IL1RAPL2: variants seen among roughly 807,000 people sequenced by gnomAD.
The protein encoded by IL1RAPL2 is interleukin 1 receptor accessory protein like 2, also known as X-linked interleukin-1 receptor accessory protein-like 2.
A neutral mutation model predicts 44.1 loss-of-function variants in IL1RAPL2; 3 were observed. The ratio of observed to expected loss-of-function variants is 0.07; its 90% confidence interval spans 0.03 to 0.18. IL1RAPL2 has a LOEUF of 0.18. Ranked by LOEUF, IL1RAPL2 falls within the 10% of genes least tolerant of loss-of-function variation. The pLI is 1.00. For missense variants in IL1RAPL2, 391 were observed against 496.4 expected (o/e 0.79, Z 2.02); for synonymous variants, 181 against 178.8 (o/e 1.01, Z -0.10).
At chrX:105,192,751 C>T (rs1434446780) in intron 2 of IL1RAPL2, among the ~76,000 whole-genome samples, 1 of 104,623 alleles carries the variant, frequency 9.6e-6, no homozygotes, top group Non-Finnish European at 2.0e-5. Flanking sequence ...ATGTTGTAAC[C>T]TTACACTGCA....
chrX:104,648,378 G>A (rs1930087394), intron 1 of IL1RAPL2, among the ~76,000 whole-genome samples: 1 of 112,378 alleles, frequency 8.9e-6, no homozygotes, highest in Non-Finnish European at 1.9e-5. Flanking sequence ...TTGGATTGCT[G>A]TAGTATAGAT....
chrX:104,715,943 T>C (rs1316952498), intron 2 of IL1RAPL2, among the ~76,000 whole-genome samples: 1 of 111,114 alleles, frequency 9.0e-6, no homozygotes, highest in African/African-American at 3.3e-5. Flanking sequence ...TATTTTAAAA[T>C]TCATATGGAA....
At chrX:104,699,300 C>T (rs1459721496) in intron 2 of IL1RAPL2, among the ~76,000 whole-genome samples, 1 of 111,315 alleles carries the variant, frequency 9.0e-6, no homozygotes, top group East Asian at 2.8e-4. Context: ...TCAGTGGGAG[C>T]CCTGAGCTTG....
At chrX:105,485,092 C>A (rs1196056200) in intron 6 of IL1RAPL2, among the ~76,000 whole-genome samples, 1 of 111,673 alleles carries the variant, frequency 9.0e-6, no homozygotes, top group East Asian at 2.8e-4. Context: ...TGCGAGATTT[C>A]ATCTGTCTTG....
intron 2 of IL1RAPL2, among the ~76,000 whole-genome samples, chrX:104,715,708 C>G (rs759752723): frequency 9.2e-6 from 1 of 109,030 alleles, no homozygotes; most frequent in Non-Finnish European, 1.9e-5. Context: ...AAATAAAATG[C>G]CCAGGAATAC....
At chrX:105,715,106 A>G (rs1300831452) in intron 6 of IL1RAPL2, among the ~76,000 whole-genome samples, 1 of 112,110 alleles carries the variant, frequency 8.9e-6, no homozygotes, top group Non-Finnish European at 1.9e-5. Flanking sequence ...TACAGATAAA[A>G]GATTTGTGCC....
chrX:104,696,285 C>G (rs1285829267), intron 2 of IL1RAPL2, among the ~76,000 whole-genome samples: 1 of 112,068 alleles, frequency 8.9e-6, no homozygotes, highest in Non-Finnish European at 1.9e-5. Flanking sequence ...CAAGGTTAAA[C>G]AGCTAATGGA....
At chrX:105,741,864 T>A (rs998607219) in intron 8 of IL1RAPL2, among the ~76,000 whole-genome samples, 1 of 111,253 alleles carries the variant, frequency 9.0e-6, no homozygotes, top group Non-Finnish European at 1.9e-5. Context: ...CCTTGCAGAG[T>A]CACTTTGAGG....
intron 2 of IL1RAPL2, among the ~76,000 whole-genome samples, chrX:104,868,023 T>C (rs1295836185): frequency 9.0e-6 from 1 of 111,430 alleles, no homozygotes; most frequent in Non-Finnish European, 1.9e-5. Flanking sequence ...AGGCACTAGG[T>C]AGGGGGTACT....
At chrX:104,855,681 G>GTTTTTTTTTTT (rs1556002120) in intron 2 of IL1RAPL2, among the ~76,000 whole-genome samples, 2 of 53,880 alleles carry the variant, frequency 3.7e-5, no homozygotes, top group African/African-American at 1.2e-4. Flanking sequence ...ATCTGGATCC[G>GTTTTTTTTTTT]TTTTTTTTTT....
intron 5 of IL1RAPL2, among the ~76,000 whole-genome samples, chrX:105,275,192 C>T (rs1180582092): frequency 1.8e-5 from 2 of 108,326 alleles, no homozygotes; most frequent in African/African-American, 3.4e-5. Context: ...GCCTGGGTTA[C>T]AGAGTGAGAC....
chrX:104,607,621 C>T (rs1187877273), intron 1 of IL1RAPL2, among the ~76,000 whole-genome samples: 2 of 112,126 alleles, frequency 1.8e-5, no homozygotes, highest in African/African-American at 6.5e-5. Context: ...AGCCAACAAA[C>T]ATACGAAAAA....
At chrX:105,525,476 C>T (rs919511392) in intron 6 of IL1RAPL2, among the ~76,000 whole-genome samples, 2 of 110,711 alleles carry the variant, frequency 1.8e-5, no homozygotes, top group Admixed American at 9.7e-5. Context: ...AACATTTTGC[C>T]GTGTTTACTC....
chrX:104,957,950 G>T (rs1213789884), intron 2 of IL1RAPL2, among the ~76,000 whole-genome samples: 1 of 110,838 alleles, frequency 9.0e-6, no homozygotes, highest in Non-Finnish European at 1.9e-5. Flanking sequence ...AAATTATCTG[G>T]GTGTGCTGGT....
At chrX:105,622,915 T>C (rs1429928427) in intron 6 of IL1RAPL2, among the ~76,000 whole-genome samples, 1 of 110,869 alleles carries the variant, frequency 9.0e-6, no homozygotes, top group East Asian at 2.9e-4. Flanking sequence ...TCTAGTTCCC[T>C]CATCTGTTTG....
intron 2 of IL1RAPL2, among the ~76,000 whole-genome samples, chrX:105,037,321 T>C (rs1015941752): frequency 2.7e-5 from 3 of 111,122 alleles, no homozygotes; most frequent in Non-Finnish European, 3.8e-5. Flanking sequence ...CTGAACAATA[T>C]GTATTGTTGG....
At chrX:105,705,145 A>G (rs1178715784) in intron 6 of IL1RAPL2, among the ~76,000 whole-genome samples, 1 of 109,991 alleles carries the variant, frequency 9.1e-6, no homozygotes, top group Non-Finnish European at 1.9e-5. Context: ...TAATTAATTC[A>G]GGGAGAGAAT....
chrX:104,671,798 C>T (rs1220293070), intron 2 of IL1RAPL2, among the ~76,000 whole-genome samples: 1 of 111,691 alleles, frequency 9.0e-6, no homozygotes, highest in Non-Finnish European at 1.9e-5. Flanking sequence ...ATTAAACAAC[C>T]TTGAAAAACT....
chrX:105,076,705 T>C (rs1004696169), intron 2 of IL1RAPL2, among the ~76,000 whole-genome samples: 2 of 111,726 alleles, frequency 1.8e-5, no homozygotes, highest in African/African-American at 3.3e-5. Flanking sequence ...ACTAAGGACT[T>C]GCTTTATGAA....
Sources: gnomAD v4.1 joint callset for allele counts (sites outside exome capture counted in the v4.1 genomes callset) on GRCh38, gnomAD v4.1.1 for gene constraint, MANE v1.5 for transcripts, NCBI Gene and HGNC (gene_info 2026-07-23, HGNC 2026-07-21) for gene names.